The following SNX29 variants were observed in gnomAD, a reference collection of about 807,000 sequenced individuals.
The protein encoded by SNX29 is sorting nexin-29.
SNX29 carries 78 observed loss-of-function variants against 102.1 expected under a neutral mutation model. That is an observed-to-expected ratio of 0.76 (90% CI 0.64 to 0.92). The LOEUF (loss-of-function observed/expected upper bound fraction) is 0.92, where lower values mean the gene tolerates loss of function less well. Among genes scored for constraint, SNX29 ranks in the 40% least tolerant of loss-of-function variants. The probability of loss-of-function intolerance (pLI) is 0.00; values close to 1 mark genes in which losing one functional copy is unlikely to be tolerated. For missense variants in SNX29, 1,280 were observed against 1,061.7 expected (o/e 1.21, Z -2.86); for synonymous variants, 580 against 414.5 (o/e 1.40, Z -4.85).
intron 3 of SNX29, among the ~76,000 whole-genome samples, chr16:12,011,247 C>T (rs147816567): frequency 2.1e-3 from 300 of 144,510 alleles, no homozygotes; most frequent in Middle Eastern, 3.6e-3. Context: ...ACCTCCAGGA[C>T]GTTTAACAAA....
At chr16:12,541,122 A>G (rs568252827) in intron 20 of SNX29, among the ~76,000 whole-genome samples, 2 of 152,016 alleles carry the variant, frequency 1.3e-5, no homozygotes, top group Admixed American at 1.3e-4. Flanking sequence ...CTTGGAGGGG[A>G]GACACAGGGG....
chr16:12,530,299 T>G (rs957814392), intron 20 of SNX29, among the ~76,000 whole-genome samples: 3 of 152,194 alleles, frequency 2.0e-5, no homozygotes, highest in Admixed American at 6.5e-5. Flanking sequence ...TGTCACTGTT[T>G]GTACCAACAG....
chr16:12,111,336 C>A (rs757984766), intron 11 of SNX29, among the ~76,000 whole-genome samples: 1 of 152,210 alleles, frequency 6.6e-6, no homozygotes, highest in Non-Finnish European at 1.5e-5. Context: ...TTGCTGTGGC[C>A]TGCAAAGCCT....
chr16:12,113,816 T>C (rs1160836092), intron 11 of SNX29, among the ~76,000 whole-genome samples: 6 of 152,178 alleles, frequency 3.9e-5, no homozygotes, highest in Admixed American at 2.6e-4. Context: ...CAGGAACAGA[T>C]GACGAGGACA....
chr16:12,061,763 G>T, intron 9 of SNX29, 117 bp downstream of exon 9: 1 of 870,872 alleles, frequency 1.1e-6, no homozygotes, highest in Non-Finnish European at 1.8e-6. Context: ...CGGGAGTCGG[G>T]GTGTGGTTCA....
rs987738137 is a variant in SNX29 at position 12,545,059 on chromosome 16, C to A, written c.2318+20218C>A. Among the ~76,000 whole-genome samples, 77 of 152,284 alleles carry A rather than the reference C, an allele frequency of 5.1e-4. 1 individual carries two copies. Among genetic ancestry groups the A allele is most frequent in the African/African-American group, 1.8e-3 (73 of 41,548 alleles). ...GGTCTGTGATGCCCTGCTCCTGTAG[C>A]ATAGCCACGAAATGCACTGTGCCAG... On this transcript the variant is annotated intron_variant, in intron 20 of 20. Transcript: ENST00000566228.
intron 13 of SNX29, among the ~76,000 whole-genome samples, chr16:12,131,342 C>G (rs542093923): frequency 6.6e-6 from 1 of 152,190 alleles, no homozygotes; most frequent in East Asian, 1.9e-4. Context: ...GTAAACCACC[C>G]CAGATCCCAA....
At chr16:12,065,486 C>T (rs1161180457) in intron 9 of SNX29, among the ~76,000 whole-genome samples, 2 of 152,144 alleles carry the variant, frequency 1.3e-5, no homozygotes, top group Non-Finnish European at 1.5e-5. Flanking sequence ...TCTTAGGTTC[C>T]TTTGAAACCT....
At chr16:12,545,430 G>A (rs772975046) in intron 20 of SNX29, 2 of 152,260 alleles carry the variant, frequency 1.3e-5, no homozygotes, top group African/African-American at 2.4e-5. Context: ...CCCACCCCTA[G>A]GATTGTTCCT....
chr16:12,042,105 A>T (rs2049902297), intron 4 of SNX29, among the ~76,000 whole-genome samples: 2 of 152,082 alleles, frequency 1.3e-5, no homozygotes, highest in African/African-American at 4.8e-5. Context: ...ATCTCAGCTC[A>T]CTGCAACCTC....
chr16:12,015,335 G>T (rs971762978), intron 3 of SNX29, among the ~76,000 whole-genome samples: 2 of 151,942 alleles, frequency 1.3e-5, no homozygotes, highest in Non-Finnish European at 2.9e-5. Context: ...GAAACTCTCT[G>T]GTTCAAGTGA....
chr16:12,549,937 T>G (rs1224229259), intron 20 of SNX29, among the ~76,000 whole-genome samples: 1 of 152,146 alleles, frequency 6.6e-6, no homozygotes, highest in Admixed American at 6.5e-5. Context: ...TCCACCTGTT[T>G]TTTATAAGTA....
At chr16:12,085,484 A>G (rs350265) in intron 11 of SNX29, among the ~76,000 whole-genome samples, 47,975 of 151,740 alleles carry the variant, frequency 0.32, 8,266 homozygotes, top group African/African-American at 0.46. Flanking sequence ...GCGCCACCAC[A>G]CCCAGCTAAT....
At chr16:12,186,744 A>G (rs974367648) in intron 13 of SNX29, among the ~76,000 whole-genome samples, 1 of 152,086 alleles carries the variant, frequency 6.6e-6, no homozygotes, top group African/African-American at 2.4e-5. Flanking sequence ...TCTTCTGGCC[A>G]GTTGCTTGAT....
At chr16:12,352,111 C>G (rs1230694834) in intron 15 of SNX29, among the ~76,000 whole-genome samples, 1 of 152,076 alleles carries the variant, frequency 6.6e-6, no homozygotes, top group Admixed American at 6.5e-5. Flanking sequence ...GACTTGGAAC[C>G]CACCCAAATG....
chr16:12,036,150 C>G (rs113216547), intron 4 of SNX29, among the ~76,000 whole-genome samples: 5 of 152,096 alleles, frequency 3.3e-5, no homozygotes, highest in Non-Finnish European at 7.4e-5. Flanking sequence ...TCATAGCTCA[C>G]TACAGCCTCA....
At chr16:12,320,202 G>A (rs910945768) in intron 15 of SNX29, among the ~76,000 whole-genome samples, 2 of 152,188 alleles carry the variant, frequency 1.3e-5, no homozygotes, top group African/African-American at 4.8e-5. Flanking sequence ...GTCTCCCTCT[G>A]TGCAGGTGTC....
At chr16:12,429,024 A>G (rs1375926197) in intron 18 of SNX29, among the ~76,000 whole-genome samples, 1 of 152,238 alleles carries the variant, frequency 6.6e-6, no homozygotes, top group Non-Finnish European at 1.5e-5. Context: ...TACGATTGCA[A>G]TTAATATCTC....
chr16:12,331,180 T>G (rs2081282434), intron 15 of SNX29, among the ~76,000 whole-genome samples: 13 of 152,172 alleles, frequency 8.5e-5, no homozygotes, highest in Admixed American at 8.5e-4. Flanking sequence ...TGGCCTCAGC[T>G]GCTGAGCCCA....
Sources: gnomAD v4.1 joint callset for allele counts (sites outside exome capture counted in the v4.1 genomes callset) on GRCh38, gnomAD v4.1.1 for gene constraint, MANE v1.5 for transcripts, NCBI Gene and HGNC (gene_info 2026-07-23, HGNC 2026-07-21) for gene names.